The following CKAP2 variants were observed in gnomAD, a reference collection of about 807,000 sequenced individuals.
The protein encoded by CKAP2 is cytoskeleton associated protein 2.
CKAP2 carries 46 observed loss-of-function variants against 58.4 expected under a neutral mutation model. The ratio of observed to expected loss-of-function variants is 0.79; its 90% CI spans 0.62 to 1.01. The LOEUF is 1.01. Ranked by LOEUF, CKAP2 falls within the 50% of genes least tolerant of loss-of-function variation. The pLI, the probability that CKAP2 is intolerant of heterozygous loss-of-function variation, is 0.00. For synonymous variants in CKAP2, 293 were observed against 280.9 expected, an observed-to-expected ratio of 1.04 and a Z score of -0.43; for missense variants, 809 against 796.4, an observed-to-expected ratio of 1.02 and a Z score of -0.19.
Position 52,461,194 on chromosome 13 carries a change from G to A in CKAP2, c.368G>A (p.Ser123Asn). The change falls in exon 4 of 9, where the codon AGT becomes AAT. Residue 123 changes from serine (S) to asparagine (N), a missense_variant. Around this residue, in one of 3 missense-constraint regions of CKAP2, gnomAD observed 523 missense variants for 492.4 expected, o/e 1.06. Coordinates refer to ENST00000258607, the MANE Select transcript of CKAP2 (RefSeq NM_018204.5). ...VVIDTHKPKD[S>N]NQTPHLLLTE... ...ATTGACACACATAAACCTAAGGATA[G>A]TAATCAAACTCCGCATTTGTTACTA... 5 of 1,613,922 alleles carry A rather than the reference G, an allele frequency of 3.1e-6. No individual in the cohort carries two copies. The highest frequency in any genetic ancestry group is 2.2e-5 in the East Asian group (1 of 44,868).
intron 2 of CKAP2, among the ~76,000 whole-genome samples, chr13:52,459,014 T>C (rs1958530157): frequency 6.6e-6 from 1 of 152,222 alleles, no homozygotes; most frequent in Non-Finnish European, 1.5e-5. Context: ...TCATTTCCGA[T>C]AACCCTTCTG....
Position 52,456,605 on chromosome 13 carries a change from C to T in CKAP2, c.153C>T (p.Ser51=), listed in dbSNP as rs1958485179. Residue 51 remains serine (S), a splice_region_variant and synonymous_variant, in exon 2 of 9, where the codon TCC becomes TCT. Coordinates refer to ENST00000258607, the MANE Select transcript of CKAP2 (RefSeq NM_018204.5). Reference sequence around the variant, plus strand: ...ACAAGCAGGAAAATGAGATGTTATCCAGGTAAGGTCAAGTTTATTTCTTTT... The same window carrying T: ...ACAAGCAGGAAAATGAGATGTTATCTAGGTAAGGTCAAGTTTATTTCTTTT... ...FAYKQENEML[S]SRDQRVVTSE... 1 of 1,607,620 alleles carries T rather than the reference C, an allele frequency of 6.2e-7. No homozygotes were observed. Among genetic ancestry groups the T allele is most frequent in the South Asian group, 1.1e-5 (1 of 90,818 alleles).
intron 2 of CKAP2, 30 bp from the exon 3 acceptor site, chr13:52,460,869 T>C: frequency 2.5e-6 from 4 of 1,599,688 alleles, no homozygotes; most frequent in Non-Finnish European, 3.4e-6. Context: ...CAGGATTGAT[T>C]GATCATTTTG....
In CKAP2 at chr13:52,457,853, CAA is replaced by C. The variant is rs59908446; in HGVS notation, c.155+1259_155+1260del. On this transcript the variant is annotated intron_variant, in intron 2 of 8. Coordinates refer to ENST00000258607, the MANE Select transcript of CKAP2 (RefSeq NM_018204.5). ...TGGGTGACAGAGCGAGACTCCGTCT[CAA>C]AAAAAAAAAAAATTGTCTCAGGTAA... Among the ~76,000 whole-genome samples, 1,090 of 142,020 alleles carry C rather than the reference CAA, an allele frequency of 7.7e-3. 5 individuals are homozygous for C. Among genetic ancestry groups the C allele is most frequent in the African/African-American group, 0.016 (592 of 37,236 alleles). The allele number at this position is 142,020 out of a possible 152,430, so 93.2% of individuals were successfully genotyped here. A position where few individuals can be genotyped will look rare whatever the true frequency, so the allele number is the denominator to read the frequency against.
At chr13:52,459,602 T>A (rs934444097) in intron 2 of CKAP2, among the ~76,000 whole-genome samples, 1 of 151,850 alleles carries the variant, frequency 6.6e-6, no homozygotes, top group Non-Finnish European at 1.5e-5. Flanking sequence ...GGATTACAGG[T>A]GTGACCCACT....
intron 2 of CKAP2, among the ~76,000 whole-genome samples, chr13:52,459,974 C>T (rs1958544392): frequency 6.6e-6 from 1 of 152,108 alleles, no homozygotes; most frequent in Admixed American, 6.5e-5. Flanking sequence ...AGTCCTCCAC[C>T]CCAGCCTCCC....
In CKAP2 at chr13:52,461,863, C is replaced by G. The variant is rs775165143; in HGVS notation, c.1037C>G (p.Thr346Ser). ...GAGCCCGTTGACCAGCGAAGACATA[C>G]TGCAGGAAAAGCAATTGTTGATAGT... Reference protein sequence around the residue: ...KSEPVDQRRHTAGKAIVDSRS... With the variant: ...KSEPVDQRRHSAGKAIVDSRS... Residue 346 changes from threonine (T) to serine (S), a missense_variant, in exon 4 of 9, where the codon ACT becomes AGT. Thr to Ser is a moderately conservative substitution (Grantham distance 58). Around this residue, in one of 3 missense-constraint regions of CKAP2, gnomAD observed 523 missense variants for 492.4 expected, o/e 1.06. Coordinates refer to ENST00000258607, the MANE Select transcript of CKAP2 (RefSeq NM_018204.5). 1.2e-6 allele frequency: 2 copies of G among 1,613,912 alleles called. No homozygotes were observed. Among genetic ancestry groups the G allele is most frequent in the African/African-American group, 2.7e-5 (2 of 74,896 alleles).
In CKAP2 at chr13:52,465,318, G is replaced by A. The variant is rs1249297770; in HGVS notation, c.1329G>A (p.Leu443=). The change falls in exon 6 of 9, where the codon CTG becomes CTA. Residue 443 remains leucine, a synonymous_variant. Coordinates refer to ENST00000258607, the MANE Select transcript of CKAP2 (RefSeq NM_018204.5). ...INEGCPKEDI[L]VTLNDLIKNI... is the part of the protein sequence containing the mutation. ...AGGGATGTCCAAAAGAAGATATACTGGTCACACTGAATGACCTGATTAAAA... is the reference window on the plus strand; with the variant it reads ...AGGGATGTCCAAAAGAAGATATACTAGTCACACTGAATGACCTGATTAAAA... 6 of 1,612,720 alleles carry A rather than the reference G, an allele frequency of 3.7e-6. No homozygotes were observed. Among genetic ancestry groups the A allele is most frequent in the Non-Finnish European group, 4.2e-6 (5 of 1,179,458 alleles).
At chr13:52,466,576 G>T (rs904453563) in intron 6 of CKAP2, among the ~76,000 whole-genome samples, 6 of 152,198 alleles carry the variant, frequency 3.9e-5, no homozygotes, top group African/African-American at 1.2e-4. Context: ...TAAGGACATT[G>T]TAGCAAGGAT....
At position 52,475,104 on chromosome 13, in the gene CKAP2, C is replaced by T. The variant is rs770321585; in HGVS notation, c.2012C>T (p.Ala671Val). The part of the protein sequence containing the change: ...TDAFVCRPNA[A>V]LCRVYYEADT... ...GCTTTTGTATGCCGCCCTAATGCAG[C>T]ACTGTGCCGGGTGTACTATGAGGCT... The change falls in exon 9 of 9, where the codon GCA becomes GTA. Residue 671 changes from alanine (A) to valine (V), a missense_variant. Around this residue, in one of 3 missense-constraint regions of CKAP2, gnomAD observed 283 missense variants for 287.6 expected, o/e 0.98. Transcript: ENST00000258607. 1.9e-6 allele frequency: 3 copies of T among 1,614,180 alleles called. No individual in the cohort carries two copies. The Admixed American group carries it at 5.0e-5, about 27-fold the overall frequency.
At chr13:52,469,366 A>G (rs1255864966) in intron 7 of CKAP2, among the ~76,000 whole-genome samples, 2 of 152,114 alleles carry the variant, frequency 1.3e-5, no homozygotes, top group African/African-American at 4.8e-5. Flanking sequence ...TTCACCTGTT[A>G]AATTCTGTGA....
chr13:52,472,302 T>C (rs1004830374), intron 7 of CKAP2, among the ~76,000 whole-genome samples: 1 of 152,230 alleles, frequency 6.6e-6, no homozygotes, highest in Non-Finnish European at 1.5e-5. Context: ...GGACAGTGTC[T>C]GATGTTCCTG....
chr13:52,474,216 T>G, intron 8 of CKAP2, 132 bp downstream of exon 8: 1 of 893,156 alleles, frequency 1.1e-6, no homozygotes, highest in Non-Finnish European at 1.7e-6. Context: ...ACGGGCATGG[T>G]GGCTCACGCC....
In CKAP2 at chr13:52,465,324, A is replaced by G; in HGVS notation, c.1335A>G (p.Thr445=). 1 of 1,613,172 alleles carries G rather than the reference A, an allele frequency of 6.2e-7. No individual in the cohort carries two copies. ...GTCCAAAAGAAGATATACTGGTCAC[A>G]CTGAATGACCTGATTAAAAATATTC... ...EGCPKEDILV[T]LNDLIKNIPD... is the part of the protein sequence containing the mutation. Residue 445 remains threonine, a synonymous_variant, in exon 6 of 9, where the codon ACA becomes ACG. Transcript: ENST00000258607.
intron 6 of CKAP2, chr13:52,465,972 CATAT>C (rs200672960): frequency 4.6e-5 from 12 of 259,654 alleles, no homozygotes; most frequent in South Asian, 3.9e-4. Context: ...TATATACACA[CATAT>C]ATGCACACAT....
Position 52,461,917 on chromosome 13 carries a change from AAG to A in CKAP2, c.1097_1098del (p.Arg366LysfsTer6). The A allele has an allele frequency of 6.3e-7, 1 of 1,590,986 alleles. No individual in the cohort carries two copies. The highest frequency in any genetic ancestry group is 2.2e-5 in the East Asian group (1 of 44,710). The stretch of plus-strand genomic sequence containing the variant: ...TCAGCTCAGCCCAAAGAAACCTCGG[AAG>A]AGAGAAAGTAAGTAGATATAATTTT... On this transcript the variant is annotated frameshift_variant, in exon 4 of 9. Transcript: ENST00000258607. LOFTEE classifies it high-confidence loss of function.
At chr13:52,463,622 TTTAA>T (rs1435070634) in intron 5 of CKAP2, among the ~76,000 whole-genome samples, 1 of 152,158 alleles carries the variant, frequency 6.6e-6, no homozygotes, top group Non-Finnish European at 1.5e-5. Context: ...TGATGTTGTG[TTTAA>T]TTAAGAGGTA....
chr13:52,466,704 A>G (rs1958682545), intron 6 of CKAP2, among the ~76,000 whole-genome samples: 1 of 152,212 alleles, frequency 6.6e-6, no homozygotes, highest in African/African-American at 2.4e-5. Context: ...TGGGCACAGT[A>G]GTGGATACCT....
In CKAP2 at chr13:52,455,573, T is replaced by G. The variant is rs988902813; in HGVS notation, c.17T>G (p.Val6Gly). The change falls in exon 1 of 9, where the codon GTG becomes GGG. Residue 6 changes from valine (V) to glycine (G), a missense_variant. By Grantham distance (109) the Val-to-Gly change is moderately radical. Coordinates refer to ENST00000258607, the MANE Select transcript of CKAP2 (RefSeq NM_018204.5). MSTPA[V>G]PQDLQLPPSQ... ...GAGGCTACGATGAGCACACCGGCCG[T>G]GCCCCAGGACCTGCAGCTGCCCCCG... 6.2e-7 allele frequency: 1 copy of G among 1,611,752 alleles called. No individual in the cohort carries two copies. The highest frequency in any genetic ancestry group is 1.3e-5 in the African/African-American group (1 of 74,878).
Sources: gnomAD v4.1 joint callset for allele counts (sites outside exome capture counted in the v4.1 genomes callset) on GRCh38, gnomAD v4.1.1 for gene constraint, gnomAD v4.1.1 regional missense constraint, MANE v1.5 for transcripts, NCBI Gene and HGNC (gene_info 2026-07-23, HGNC 2026-07-21) for gene names.